STK24: variants seen among roughly 807,000 people sequenced by gnomAD.
STK24 encodes the protein serine/threonine-protein kinase 24.
A neutral mutation model predicts 55.6 loss-of-function variants in STK24; 21 were observed. The ratio of observed to expected loss-of-function variants is 0.38; its 90% CI spans 0.27 to 0.54. The LOEUF is 0.54. Among genes scored for constraint, STK24 ranks in the 20% least tolerant of loss-of-function variants. The pLI is 0.79. For synonymous variants in STK24, 200 were observed against 215.2 expected, an observed-to-expected ratio of 0.93 and a Z score of 0.62; for missense variants, 383 against 538.4, an observed-to-expected ratio of 0.71 and a Z score of 2.86.
chr13:98,546,927 T>TTTG (rs1897044146), intron 1 of STK24, among the ~76,000 whole-genome samples: 2 of 151,930 alleles, frequency 1.3e-5, no homozygotes, highest in East Asian at 1.9e-4. Flanking sequence ...TTGTTTGTTT[T>TTTG]TGAGATGGAG....
chr13:98,447,854 A>AT lies in STK24; in HGVS notation c.*5318_*5319insA. On this transcript the variant is annotated 3_prime_UTR_variant, in exon 11 of 11. Transcript: ENST00000539966. Reference sequence around the variant, plus strand: ...AGCCAGACCCTGTCTCAAAAAAAAAAGAAAAAGAAAAAAGGAAGGGAGAGC... The same window carrying AT: ...AGCCAGACCCTGTCTCAAAAAAAAAATGAAAAAGAAAAAAGGAAGGGAGAGC... 4.7e-6 allele frequency: 1 copy of AT among 210,562 alleles called. No homozygotes were observed. The highest frequency in any genetic ancestry group is 9.5e-6 in the Non-Finnish European group (1 of 104,988). 13.0% of individuals were successfully genotyped at this position (210,562 alleles called of 1,614,324 possible).
chr13:98,510,582 A>G (rs1308705759), intron 2 of STK24, among the ~76,000 whole-genome samples: 1 of 152,256 alleles, frequency 6.6e-6, no homozygotes, highest in East Asian at 1.9e-4. Flanking sequence ...AGAATGGAAC[A>G]TTATTCAGCA....
chr13:98,448,149 A>G lies in STK24; in HGVS notation c.*5024T>C. The G allele has an allele frequency of 8.6e-7, 1 of 1,161,900 alleles. No homozygotes were observed. The highest frequency in any genetic ancestry group is 1.3e-6 in the Non-Finnish European group (1 of 771,078). The allele number at this position is 1,161,900 out of a possible 1,614,324, so 72.0% of individuals were successfully genotyped here. A position where few individuals can be genotyped will look rare whatever the true frequency, so the allele number is the denominator to read the frequency against. ...ATTACCAACCAGGCGGCCTGACTTC[A>G]CCTTGTGTTTCTGTAAGCGATGCCC... On this transcript the variant is annotated 3_prime_UTR_variant, in exon 11 of 11. Transcript: ENST00000539966.
chr13:98,522,695 C>G (rs1272369130), intron 1 of STK24, among the ~76,000 whole-genome samples: 1 of 152,242 alleles, frequency 6.6e-6, no homozygotes, highest in Non-Finnish European at 1.5e-5. Context: ...CTTTGCTCAG[C>G]TGCAAGCTGA....
In STK24 at chr13:98,474,066, T is replaced by G. The variant is rs150124373; in HGVS notation, c.597+755A>C. On this transcript the variant is annotated intron_variant, in intron 5 of 10. Coordinates refer to ENST00000539966, the MANE Select transcript of STK24 (RefSeq NM_001032296.4). ...GGCCTTTTAACTGTGTACAGGGTCC[T>G]AAGAAGAGCAGACTGTGCGAACTGA... Among the ~76,000 whole-genome samples the G allele has an allele frequency of 2.7e-3, 416 of 152,308 alleles. 2 individuals carry two copies. The highest frequency in any genetic ancestry group is 9.2e-3 in the African/African-American group (381 of 41,566).
At chr13:98,464,147 G>C (rs1371691090) in intron 6 of STK24, among the ~76,000 whole-genome samples, 1 of 152,174 alleles carries the variant, frequency 6.6e-6, no homozygotes, top group African/African-American at 2.4e-5. Context: ...GTCGGGCGCA[G>C]TGGCTCACGC....
At chr13:98,531,636 G>A (rs2139403124) in intron 1 of STK24, among the ~76,000 whole-genome samples, 1 of 152,306 alleles carries the variant, frequency 6.6e-6, no homozygotes, top group African/African-American at 2.4e-5. Flanking sequence ...TTTAAGGTCA[G>A]GACTAGCCTT....
chr13:98,530,414 G>C (rs991398417), intron 1 of STK24, among the ~76,000 whole-genome samples: 7 of 152,248 alleles, frequency 4.6e-5, no homozygotes, highest in African/African-American at 1.7e-4. Flanking sequence ...TCTTGGATAT[G>C]GTCTTGGATG....
Position 98,508,968 on chromosome 13 carries a change from C to G in STK24, c.273+10275G>C, listed in dbSNP as rs377075983. On this transcript the variant is annotated intron_variant, in intron 2 of 10. Transcript: ENST00000539966. ...ACTCACAAGAGCTCCTGTTCACAGACTAGAAATAATTTGTAATGAATTAAT... is the reference window on the plus strand; with the variant it reads ...ACTCACAAGAGCTCCTGTTCACAGAGTAGAAATAATTTGTAATGAATTAAT... The G allele has an allele frequency of 7.2e-5, 11 of 152,284 alleles. No individual in the cohort carries two copies. In the East Asian group the frequency reaches 1.3e-3, roughly 19 times the overall value. 9.4% of individuals were successfully genotyped at this position (152,284 alleles called of 1,614,324 possible).
At chr13:98,489,500 G>A (rs578041373) in intron 2 of STK24, among the ~76,000 whole-genome samples, 2 of 152,338 alleles carry the variant, frequency 1.3e-5, no homozygotes, top group African/African-American at 2.4e-5. Context: ...GGGGAACGCA[G>A]AGTGAGTAAC....
intron 1 of STK24, among the ~76,000 whole-genome samples, chr13:98,574,134 C>T (rs1290470711): frequency 6.6e-6 from 1 of 152,166 alleles, no homozygotes; most frequent in Admixed American, 6.5e-5. Context: ...GCCTCAGCCT[C>T]CCGAGTAGCT....
chr13:98,475,152 G>A, intron 4 of STK24, 98 bp downstream of exon 4: 1 of 1,400,108 alleles, frequency 7.1e-7, no homozygotes, highest in Non-Finnish European at 9.7e-7. Flanking sequence ...CAAACGTGCA[G>A]GACAAATGGG....
At chr13:98,510,179 C>G (rs1895835218) in intron 2 of STK24, among the ~76,000 whole-genome samples, 2 of 152,190 alleles carry the variant, frequency 1.3e-5, no homozygotes, top group Admixed American at 6.5e-5. Flanking sequence ...GAATGATGGC[C>G]AGGTAGTCAG....
At chr13:98,485,917 G>A (rs939888167) in intron 2 of STK24, among the ~76,000 whole-genome samples, 4 of 152,186 alleles carry the variant, frequency 2.6e-5, no homozygotes, top group African/African-American at 9.7e-5. Context: ...ATTAATGGAG[G>A]AGGACCCTAA....
chr13:98,456,921 A>T (rs549734591), intron 10 of STK24: 1 of 569,866 alleles, frequency 1.8e-6, no homozygotes, highest in African/African-American at 1.9e-5. Context: ...CCCTGTATTT[A>T]TGTGGCAAAA....
At position 98,459,866 on chromosome 13, in the gene STK24, C is replaced by T. The variant is rs529084151; in HGVS notation, c.1122+506G>A. On this transcript the variant is annotated intron_variant, in intron 9 of 10. Coordinates refer to ENST00000539966, the MANE Select transcript of STK24 (RefSeq NM_001032296.4). ...TTGAAAATCTCTCAAAACACGGCCA[C>T]GGGAGCACTTTCCTCTGGGAGGGAG... is the stretch of plus-strand genomic sequence containing the variant. Among the ~76,000 whole-genome samples, 6 of 152,322 alleles carry T rather than the reference C, an allele frequency of 3.9e-5. No homozygotes were observed. The South Asian group carries it at 6.2e-4, about 16-fold the overall frequency.
At chr13:98,508,990 T>G (rs1475954524) in intron 2 of STK24, 1 of 152,206 alleles carries the variant, frequency 6.6e-6, no homozygotes, top group Non-Finnish European at 1.5e-5. Context: ...TGTAATGAAT[T>G]AATTTGTAAT....
At position 98,499,734 on chromosome 13, in the gene STK24, G is replaced by T. The variant is rs1424081732; in HGVS notation, c.274-17413C>A. 2.6e-5 allele frequency among the ~76,000 whole-genome samples: 4 copies of T among 152,150 alleles called. No homozygotes were observed. The South Asian group carries it at 6.2e-4, about 24-fold the overall frequency. On this transcript the variant is annotated intron_variant, in intron 2 of 10. Transcript: ENST00000539966. ...GACCAGCGGAAGCACTGGAAGCCCTGATCAGCAAAGACAAGGTCTTGCTGC... is the reference window on the plus strand; with the variant it reads ...GACCAGCGGAAGCACTGGAAGCCCTTATCAGCAAAGACAAGGTCTTGCTGC...
chr13:98,466,126 G>T (rs935611656), intron 6 of STK24, among the ~76,000 whole-genome samples: 3 of 152,108 alleles, frequency 2.0e-5, no homozygotes, highest in Non-Finnish European at 4.4e-5. Flanking sequence ...TAATATTAAG[G>T]AGAATATTCT....
Sources: allele counts gnomAD v4.1 joint callset (sites outside exome capture counted in the v4.1 genomes callset), GRCh38; gene constraint gnomAD v4.1.1; transcripts MANE v1.5; gene names NCBI Gene and HGNC (gene_info 2026-07-23, HGNC 2026-07-21).